DNAI7: variants seen among roughly 807,000 people sequenced by gnomAD.
The protein encoded by DNAI7 is cancer susceptibility 1.
DNAI7 carries 78 observed loss-of-function variants against 86.6 expected under a neutral mutation model. The observed-to-expected ratio is 0.90, with a 90% CI of 0.75 to 1.09. The LOEUF is 1.09. DNAI7 is among the 50% of genes least tolerant of loss of function. The probability of loss-of-function intolerance (pLI) is 0.00; values close to 1 mark genes in which losing one functional copy is unlikely to be tolerated. For missense variants in DNAI7, 753 were observed against 810.2 expected (o/e 0.93, Z 0.86); for synonymous variants, 274 against 273.0 (o/e 1.00, Z -0.04).
chr12:25,164,901 C>T (rs1282459459), intron 2 of DNAI7, among the ~76,000 whole-genome samples: 2 of 618 alleles, frequency 3.2e-3, no homozygotes, highest in South Asian at 0.5. Context: ...ACACCCGGTC[C>T]GGCTTAGTTT....
At chr12:25,118,034 A>C (rs533591386) in intron 12 of DNAI7, among the ~76,000 whole-genome samples, 2 of 150,706 alleles carry the variant, frequency 1.3e-5, no homozygotes, top group Admixed American at 1.3e-4. Context: ...CCCAGGTTCA[A>C]GCAATTCTCC....
chr12:25,178,443 TATTTATC>T (rs1253066684), intron 2 of DNAI7, among the ~76,000 whole-genome samples: 1 of 152,164 alleles, frequency 6.6e-6, no homozygotes, highest in Non-Finnish European at 1.5e-5. Context: ...TCATTCTTAA[TATTTATC>T]ATTTATGCCT....
chr12:25,174,378 C>CCCATATATATG (rs1565809992), intron 2 of DNAI7, among the ~76,000 whole-genome samples: 2 of 288 alleles, frequency 6.9e-3, no homozygotes, highest in Non-Finnish European at 0.026. Flanking sequence ...TATGTTATAT[C>CCCATATATATG]ATATATATGG....
intron 3 of DNAI7, among the ~76,000 whole-genome samples, chr12:25,159,745 G>A (rs1946624501): frequency 6.6e-6 from 1 of 151,840 alleles, no homozygotes. Context: ...AATAAAACAT[G>A]CCCCAAGATA....
At chr12:25,108,238 A>G (rs2140298386), downstream of DNAI7, 3 of 647,846 alleles carry the variant, frequency 4.6e-6, no homozygotes, top group South Asian at 2.3e-5. Flanking sequence ...ACAATGGGGA[A>G]GAAGTCTGCC....
chr12:25,107,909 T>C, downstream of DNAI7: 1 of 1,614,232 alleles, frequency 6.2e-7, no homozygotes, highest in Non-Finnish European at 8.5e-7. Context: ...TTCATTGTAC[T>C]GTTTGCAGCT....
intron 7 of DNAI7, among the ~76,000 whole-genome samples, chr12:25,148,045 TA>T (rs1488390960): frequency 1.3e-5 from 2 of 152,214 alleles, no homozygotes; most frequent in Non-Finnish European, 1.5e-5. Context: ...TGCTAGAATG[TA>T]AAAACTTTAA....
rs142570982 is a variant in DNAI7, at chr12:25,182,939, AAGGAAGGG to A, written c.21+7667_21+7674del. Among the ~76,000 whole-genome samples the A allele has an allele frequency of 3.1e-3, 463 of 149,450 alleles. 6 individuals carry two copies. Among genetic ancestry groups the A allele is most frequent in the East Asian group, 0.024 (123 of 5,058 alleles). On this transcript the variant is annotated intron_variant, in intron 2 of 15. Transcript: ENST00000395987. ...AAGAAGAAAGGAAAGAAAGGAATGA[AAGGAAGGG>A]AGGAAGGGAGGAAGGGAGGAAGGGA...
intron 11 of DNAI7, among the ~76,000 whole-genome samples, 170 bp downstream of exon 11, chr12:25,121,583 T>C (rs926221866): frequency 6.6e-6 from 1 of 152,252 alleles, no homozygotes; most frequent in Non-Finnish European, 1.5e-5. Flanking sequence ...TAGATTCTTT[T>C]AGCATCTGAT....
At chr12:25,180,396 T>A (rs1489024859) in intron 2 of DNAI7, among the ~76,000 whole-genome samples, 1 of 152,108 alleles carries the variant, frequency 6.6e-6, no homozygotes, top group Non-Finnish European at 1.5e-5. Context: ...GCAATTCCTA[T>A]CAAATTACCA....
At chr12:25,190,303 G>A (rs1950405082) in intron 2 of DNAI7, among the ~76,000 whole-genome samples, 1 of 151,996 alleles carries the variant, frequency 6.6e-6, no homozygotes. Context: ...CTAGAGTGAA[G>A]AAAAAGGGGT....
chr12:25,112,361 C>T (rs7297103), intron 13 of DNAI7, among the ~76,000 whole-genome samples: 78,775 of 149,326 alleles, frequency 0.53, 21,130 homozygotes, highest in East Asian at 0.78. Flanking sequence ...AAGTCTTGCG[C>T]GAAGTGACAG....
At chr12:25,110,327 C>T in intron 14 of DNAI7, 87 bp from the exon 15 acceptor site, 2 of 735,890 alleles carry the variant, frequency 2.7e-6, no homozygotes, top group South Asian at 1.6e-5. Context: ...CTATTTTCAA[C>T]ACAGACGGAT....
chr12:25,166,351 C>A (rs546034543), intron 2 of DNAI7, among the ~76,000 whole-genome samples: 1 of 152,220 alleles, frequency 6.6e-6, no homozygotes, highest in South Asian at 2.1e-4. Flanking sequence ...ACTCTCCTAT[C>A]CTCAATACCT....
intron 10 of DNAI7, among the ~76,000 whole-genome samples, chr12:25,122,153 A>G (rs919034961): frequency 2.0e-4 from 30 of 152,188 alleles, no homozygotes; most frequent in African/African-American, 7.2e-4. Flanking sequence ...AAACCATACA[A>G]TAAGCATGTG....
chr12:25,172,489 G>A (rs945368344), intron 2 of DNAI7, among the ~76,000 whole-genome samples: 13 of 152,090 alleles, frequency 8.5e-5, no homozygotes, highest in African/African-American at 3.1e-4. Flanking sequence ...CATGTTCATG[G>A]ATGGGTAGAA....
intron 2 of DNAI7, among the ~76,000 whole-genome samples, chr12:25,177,311 C>T (rs1949066570): frequency 6.6e-6 from 1 of 152,114 alleles, no homozygotes; most frequent in South Asian, 2.1e-4. Context: ...AAACTGAAAC[C>T]CTGTATACCA....
Position 25,155,325 on chromosome 12 carries a change from T to G in DNAI7, c.286A>C (p.Lys96Gln). The G allele has an allele frequency of 6.3e-7, 1 of 1,593,030 alleles. No homozygotes were observed. The highest frequency in any genetic ancestry group is 1.1e-5 in the South Asian group (1 of 89,590). The change falls in exon 5 of 16, where the codon AAA becomes CAA. Residue 96 changes from lysine (K) to glutamine (Q), a missense_variant. Lys to Gln is a moderately conservative substitution (Grantham distance 53). Coordinates refer to ENST00000395987, the MANE Select transcript of DNAI7 (RefSeq NM_018272.5). ...PEAEKLKQET[K>Q]LLSQWKHYIQ... Reference sequence around the variant, plus strand: ...ATCAGTCCTACCTGAGAAAGCAATTTAGTTTCCTGTTTCAATTTCTCTGCT... The same window carrying G: ...ATCAGTCCTACCTGAGAAAGCAATTGAGTTTCCTGTTTCAATTTCTCTGCT...
At chr12:25,134,321 G>C (rs1943279906) in intron 9 of DNAI7, among the ~76,000 whole-genome samples, 1 of 144,024 alleles carries the variant, frequency 6.9e-6, no homozygotes, top group African/African-American at 2.6e-5. Flanking sequence ...TGTGCATCTT[G>C]CCATTCATTA....
Sources: gnomAD v4.1 joint callset for allele counts (sites outside exome capture counted in the v4.1 genomes callset) on GRCh38, gnomAD v4.1.1 for gene constraint, MANE v1.5 for transcripts, NCBI Gene and HGNC (gene_info 2026-07-23, HGNC 2026-07-21) for gene names.